Variants in CAMKMT observed in about 807,000 individuals in gnomAD.
CAMKMT encodes the protein calmodulin-lysine N-methyltransferase.
Under a neutral mutation model 48.0 loss-of-function variants are expected in CAMKMT, and 53 were observed. The observed-to-expected ratio is 1.10, with a 90% CI of 0.89 to 1.39. The LOEUF (loss-of-function observed/expected upper bound fraction) is 1.39, where lower values mean the gene tolerates loss of function less well. Among genes scored for constraint, CAMKMT ranks in the 40% most tolerant of loss-of-function variants. The probability of loss-of-function intolerance (pLI) is 0.00; values close to 1 mark genes in which losing one functional copy is unlikely to be tolerated. For missense variants in CAMKMT, 428 were observed against 402.7 expected (o/e 1.06, Z -0.54); for synonymous variants, 165 against 152.3 (o/e 1.08, Z -0.61).
chr2:44,397,739 C>T (rs917548682), intron 3 of CAMKMT, among the ~76,000 whole-genome samples: 8 of 152,076 alleles, frequency 5.3e-5, no homozygotes, highest in African/African-American at 1.9e-4. Context: ...AAAGAAGTCT[C>T]TTTTTAATGT....
chr2:44,578,857 G>A (rs966619956), intron 3 of CAMKMT, among the ~76,000 whole-genome samples: 1 of 152,210 alleles, frequency 6.6e-6, no homozygotes, highest in Non-Finnish European at 1.5e-5. Flanking sequence ...TAGTAGTATT[G>A]TGACTACAAA....
intron 3 of CAMKMT, among the ~76,000 whole-genome samples, chr2:44,392,734 C>G (rs779205817): frequency 6.6e-6 from 1 of 151,466 alleles, no homozygotes; most frequent in Non-Finnish European, 1.5e-5. Flanking sequence ...TTTTCCTGGC[C>G]GATTTTTTAA....
intron 3 of CAMKMT, among the ~76,000 whole-genome samples, chr2:44,677,347 A>C (rs1573053505): frequency 6.6e-6 from 1 of 152,174 alleles, no homozygotes; most frequent in East Asian, 1.9e-4. Flanking sequence ...GAACATAGGC[A>C]AACTTGTGCA....
chr2:44,455,346 T>C (rs182751388), intron 3 of CAMKMT, among the ~76,000 whole-genome samples: 203 of 152,266 alleles, frequency 1.3e-3, no homozygotes, highest in African/African-American at 4.6e-3. Context: ...TACATTTTTC[T>C]TTCTGCTTGC....
Position 44,362,095 on chromosome 2 carries a change from C to A in CAMKMT, c.88C>A (p.Pro30Thr). ...SPAVGCTTRGPVVSAPLGAAR... is the reference protein window; with the variant it reads ...SPAVGCTTRGTVVSAPLGAAR... Reference sequence around the variant, plus strand: ...GGCAGTTGGCTGCACCACTCGGGGGCCCGTAGTCTCGGCGCCCCTGGGAGC... The same window carrying A: ...GGCAGTTGGCTGCACCACTCGGGGGACCGTAGTCTCGGCGCCCCTGGGAGC... The change falls in exon 1 of 11, where the codon CCC becomes ACC. Residue 30 changes from proline to threonine, a missense_variant. Coordinates refer to ENST00000378494, the MANE Select transcript of CAMKMT (RefSeq NM_024766.5). 2 of 1,463,698 alleles carry A rather than the reference C, an allele frequency of 1.4e-6. No homozygotes were observed. Among genetic ancestry groups the A allele is most frequent in the Admixed American group, 3.2e-5 (1 of 31,252 alleles). The allele number at this position is 1,463,698 out of a possible 1,614,324, so 90.7% of individuals were successfully genotyped here.
At chr2:44,645,058 A>G (rs17032475) in intron 3 of CAMKMT, among the ~76,000 whole-genome samples, 2,759 of 152,306 alleles carry the variant, frequency 0.018, 64 homozygotes, top group African/African-American at 0.057. Flanking sequence ...TACATCTTGT[A>G]CAATCCCAGC....
At chr2:44,422,166 A>T (rs1057044841) in intron 3 of CAMKMT, among the ~76,000 whole-genome samples, 1 of 152,168 alleles carries the variant, frequency 6.6e-6, no homozygotes, top group Non-Finnish European at 1.5e-5. Context: ...TACTTACAGA[A>T]TCTGGTTGTT....
At chr2:44,539,296 A>T (rs1666960620) in intron 3 of CAMKMT, among the ~76,000 whole-genome samples, 1 of 151,772 alleles carries the variant, frequency 6.6e-6, no homozygotes. Context: ...AAAAAAAAAA[A>T]AAAAACCCAA....
At chr2:44,463,537 G>A (rs1667954533) in intron 3 of CAMKMT, among the ~76,000 whole-genome samples, 1 of 152,124 alleles carries the variant, frequency 6.6e-6, no homozygotes, top group South Asian at 2.1e-4. Flanking sequence ...AAAGTAAGGG[G>A]TTGGGTGGGA....
chr2:44,718,985 T>G (rs115212824), intron 7 of CAMKMT, among the ~76,000 whole-genome samples: 209 of 152,304 alleles, frequency 1.4e-3, no homozygotes, highest in Non-Finnish European at 2.5e-3. Context: ...TCAGTTTCCT[T>G]TAGAGGTTAA....
chr2:44,685,750 A>G (rs980145831), intron 3 of CAMKMT, among the ~76,000 whole-genome samples: 21 of 152,184 alleles, frequency 1.4e-4, no homozygotes, highest in African/African-American at 4.3e-4. Context: ...TCACACTGTG[A>G]TATGAAAGTA....
chr2:44,715,765 G>T (rs558027609), intron 7 of CAMKMT, among the ~76,000 whole-genome samples: 17 of 152,264 alleles, frequency 1.1e-4, no homozygotes, highest in Non-Finnish European at 2.4e-4. Flanking sequence ...TGGTAGGAGA[G>T]CGGGGAATGT....
At chr2:44,532,215 G>T (rs1034831229) in intron 3 of CAMKMT, among the ~76,000 whole-genome samples, 1 of 152,208 alleles carries the variant, frequency 6.6e-6, no homozygotes, top group Non-Finnish European at 1.5e-5. Context: ...CAACAAAAAT[G>T]CTGGAACAGT....
rs1489088043 is a variant in CAMKMT at position 44,653,825 on chromosome 2, A to G, written c.377-50458A>G. Among the ~76,000 whole-genome samples the G allele has an allele frequency of 6.6e-6, 1 of 152,254 alleles. No individual in the cohort carries two copies. Among genetic ancestry groups the G allele is most frequent in the Admixed American group, 6.5e-5 (1 of 15,286 alleles). On this transcript the variant is annotated intron_variant, in intron 3 of 10. Coordinates refer to ENST00000378494, the MANE Select transcript of CAMKMT (RefSeq NM_024766.5). This position sits in a 1 kb window ranked among gnomAD's most constrained non-coding sequence, Gnocchi z 5.2. The stretch of plus-strand genomic sequence containing the variant: ...GAAAAGATCTCATCGAGTGCCTAGA[A>G]CAAAACTGACACATAGTAGACATCA...
intron 3 of CAMKMT, among the ~76,000 whole-genome samples, chr2:44,585,020 A>AC (rs1558721748): frequency 6.6e-6 from 1 of 151,562 alleles, no homozygotes. Context: ...GCACCACTGC[A>AC]CTCCAGCCTG....
intron 3 of CAMKMT, among the ~76,000 whole-genome samples, chr2:44,671,618 C>T (rs527389946): frequency 1.3e-5 from 2 of 152,322 alleles, no homozygotes; most frequent in South Asian, 4.2e-4. Context: ...GGGCAAAAAC[C>T]TCCTCTGGTT....
chr2:44,681,607 G>A (rs1676025778), intron 3 of CAMKMT, among the ~76,000 whole-genome samples: 1 of 151,378 alleles, frequency 6.6e-6, no homozygotes, highest in South Asian at 2.1e-4. Context: ...CCTTTCTTTA[G>A]CCAGTCTCTG....
At chr2:44,410,415 G>A (rs1160001730) in intron 3 of CAMKMT, among the ~76,000 whole-genome samples, 4 of 149,226 alleles carry the variant, frequency 2.7e-5, no homozygotes, top group Non-Finnish European at 4.5e-5. Flanking sequence ...CCGCCACCTC[G>A]CCCAGCTAAT....
intron 7 of CAMKMT, among the ~76,000 whole-genome samples, chr2:44,730,800 C>CT (rs779683611): frequency 2.6e-5 from 4 of 152,182 alleles, no homozygotes; most frequent in African/African-American, 4.8e-5. Context: ...AAATGGCCCT[C>CT]TACAAGAGTG....
Sources: allele counts gnomAD v4.1 joint callset (sites outside exome capture counted in the v4.1 genomes callset), GRCh38; gene constraint gnomAD v4.1.1; non-coding constraint Gnocchi (gnomAD v3.1); transcripts MANE v1.5; gene names NCBI Gene and HGNC (gene_info 2026-07-23, HGNC 2026-07-21).